Variants in RAB6A observed in about 807,000 individuals in gnomAD.
RAB6A encodes RAB6A, member RAS oncogene family.
In RAB6A, 8 loss-of-function variants were observed where a neutral mutation model predicts 32.3. That is an observed-to-expected ratio of 0.25 (90% CI 0.15 to 0.45). RAB6A has a LOEUF of 0.45. Among genes scored for constraint, RAB6A ranks in the 20% least tolerant of loss-of-function variants. The pLI is 1.00. For synonymous variants in RAB6A, 73 were observed against 82.1 expected, an observed-to-expected ratio of 0.89 and a Z score of 0.60; for missense variants, 104 against 249.4, an observed-to-expected ratio of 0.42 and a Z score of 3.93.
At chr11:73,759,673 C>T (rs1158062704) in intron 1 of RAB6A, among the ~76,000 whole-genome samples, 1 of 152,128 alleles carries the variant, frequency 6.6e-6, no homozygotes, top group Non-Finnish European at 1.5e-5. Flanking sequence ...ATTAACATTT[C>T]CCCAGTAATT....
intron 5 of RAB6A, 85 bp from the exon 6 acceptor site, chr11:73,707,598 C>T: frequency 2.0e-6 from 2 of 1,009,274 alleles, no homozygotes; most frequent in Non-Finnish European, 3.0e-6. Context: ...AAATAACTTT[C>T]CTTGATATAA....
At chr11:73,729,638 T>C (rs562364987) in intron 2 of RAB6A, 1 of 152,378 alleles carries the variant, frequency 6.6e-6, no homozygotes, top group East Asian at 1.9e-4. Context: ...TTCTATAGTT[T>C]TGATGTTTTG....
chr11:73,722,367 T>TTTTTG lies in RAB6A; in HGVS notation c.130-1469_130-1468insCAAAA, dbSNP rs1393411671. 1.5e-3 allele frequency: 120 copies of TTTTTG among 81,756 alleles called. 21 individuals are homozygous for TTTTTG. The highest frequency in any genetic ancestry group is 8.3e-3 in the South Asian group (15 of 1,816). The allele number at this position is 81,756 out of a possible 1,614,324, so 5.1% of individuals were successfully genotyped here. A position where few individuals can be genotyped will look rare whatever the true frequency, so the allele number is the denominator to read the frequency against. On this transcript the variant is annotated intron_variant, in intron 2 of 7. Transcript: ENST00000336083. ...TATTTTTTTTTTTTTTTTTTTTTTT[T>TTTTTG]GAGACAGTCTCACACTCTTGCCCAA...
intron 2 of RAB6A, chr11:73,722,328 TA>T (rs1565364902): frequency 1.6e-3 from 17 of 10,726 alleles, no homozygotes; most frequent in African/African-American, 4.5e-3. Flanking sequence ...TATATATATA[TA>T]TATATATATA....
intron 6 of RAB6A, chr11:73,704,122 C>T (rs902070590): frequency 2.7e-6 from 1 of 370,068 alleles, no homozygotes; most frequent in African/African-American, 2.1e-5. Flanking sequence ...GGGGCTCATA[C>T]CTATAATCTC....
chr11:73,690,986 C>G (rs939160795), intron 6 of RAB6A, among the ~76,000 whole-genome samples: 11 of 137,904 alleles, frequency 8.0e-5, no homozygotes, highest in African/African-American at 2.8e-4. Flanking sequence ...GCACCTCACA[C>G]AGAAAATTAA....
intron 3 of RAB6A, 24 bp from the exon 4 acceptor site, chr11:73,718,742 A>G: frequency 6.2e-7 from 1 of 1,613,976 alleles, no homozygotes; most frequent in Non-Finnish European, 8.5e-7. Context: ...CAGTCAAACA[A>G]GCAAGAAAAA....
chr11:73,676,029 G>A lies in RAB6A; in HGVS notation c.*1869C>T, dbSNP rs1478224552. The stretch of plus-strand genomic sequence containing the variant: ...TCCCATCTTTAAGTATAAGTTACTG[G>A]TATGTGGGCTAATGATTATCTGTAA... On this transcript the variant is annotated 3_prime_UTR_variant, in exon 8 of 8. Coordinates refer to ENST00000336083, the MANE Select transcript of RAB6A (RefSeq NM_198896.2). 1 of 167,010 alleles carries A rather than the reference G, an allele frequency of 6.0e-6. No homozygotes were observed. The highest frequency in any genetic ancestry group is 1.5e-5 in the Non-Finnish European group (1 of 68,108). The allele number at this position is 167,010 out of a possible 1,614,324, so 10.3% of individuals were successfully genotyped here.
At chr11:73,708,179 C>CT (rs528372320) in intron 5 of RAB6A, among the ~76,000 whole-genome samples, 5 of 151,744 alleles carry the variant, frequency 3.3e-5, no homozygotes, top group Admixed American at 2.0e-4. Context: ...TTGTGGTTTT[C>CT]TTTTTTTTGA....
intron 5 of RAB6A, among the ~76,000 whole-genome samples, chr11:73,714,028 T>C (rs753950969): frequency 2.7e-5 from 4 of 150,884 alleles, no homozygotes; most frequent in Non-Finnish European, 5.9e-5. Flanking sequence ...CCGTCACTAC[T>C]AAAAAATACA....
intron 1 of RAB6A, among the ~76,000 whole-genome samples, chr11:73,731,085 A>C (rs986674431): frequency 6.6e-6 from 1 of 152,216 alleles, no homozygotes; most frequent in Admixed American, 6.5e-5. Flanking sequence ...TGACATTCCT[A>C]ATTCACAAAA....
At chr11:73,730,605 A>G in intron 2 of RAB6A, 160 bp downstream of exon 2, 1 of 602,792 alleles carries the variant, frequency 1.7e-6, no homozygotes, top group Non-Finnish European at 2.9e-6. Flanking sequence ...TTATCCTAGG[A>G]CTGGACAAAA....
rs769979508 is a variant in RAB6A, at chr11:73,677,853, C to A, written c.*45G>T. ...TGCAGTCAATGAAAGAGTAAGGGGG[C>A]CAAAGCAGTGAGCTTCTGAAGAAGG... On this transcript the variant is annotated 3_prime_UTR_variant, in exon 8 of 8. Transcript: ENST00000336083. The A allele has an allele frequency of 6.2e-7, 1 of 1,612,558 alleles. No homozygotes were observed. The highest frequency in any genetic ancestry group is 8.5e-7 in the Non-Finnish European group (1 of 1,178,654).
chr11:73,700,206 A>G (rs1014344231), intron 6 of RAB6A, among the ~76,000 whole-genome samples: 3 of 152,228 alleles, frequency 2.0e-5, no homozygotes, highest in African/African-American at 7.2e-5. Context: ...CCAGATGAAA[A>G]GCCAGGTGAA....
At chr11:73,719,894 G>A (rs892965595) in intron 3 of RAB6A, among the ~76,000 whole-genome samples, 5 of 151,962 alleles carry the variant, frequency 3.3e-5, no homozygotes, top group Non-Finnish European at 7.4e-5. Flanking sequence ...GGGATTACAG[G>A]CGTGAGCCAC....
intron 5 of RAB6A, among the ~76,000 whole-genome samples, chr11:73,710,439 A>G (rs1277098937): frequency 5.9e-5 from 9 of 151,882 alleles, no homozygotes; most frequent in Admixed American, 5.9e-4. Context: ...CATGTTTACT[A>G]AAAACAGTTA....
At chr11:73,726,792 AAAAAT>A (rs1946230551) in intron 2 of RAB6A, among the ~76,000 whole-genome samples, 1 of 151,572 alleles carries the variant, frequency 6.6e-6, no homozygotes, top group South Asian at 2.1e-4. Context: ...TAAAAAATGA[AAAAAT>A]AAAATAAAAA....
In RAB6A at chr11:73,760,822, T is replaced by A; in HGVS notation, c.-187A>T. ...CCACAGACTGGCAGCCGCCGCCGCC[T>A]CCCGGCAGAGTAGCCTAGCACCGAG... On this transcript the variant is annotated 5_prime_UTR_variant, in exon 1 of 8. Coordinates refer to ENST00000336083, the MANE Select transcript of RAB6A (RefSeq NM_198896.2). 1 of 804,200 alleles carries A rather than the reference T, an allele frequency of 1.2e-6. No individual in the cohort carries two copies. Among genetic ancestry groups the A allele is most frequent in the Non-Finnish European group, 1.9e-6 (1 of 515,500 alleles). The allele number at this position is 804,200 out of a possible 1,614,324, so 49.8% of individuals were successfully genotyped here. A position where few individuals can be genotyped will look rare whatever the true frequency, so the allele number is the denominator to read the frequency against.
At chr11:73,740,844 C>T (rs113898404) in intron 1 of RAB6A, among the ~76,000 whole-genome samples, 1,640 of 151,358 alleles carry the variant, frequency 0.011, 25 homozygotes, top group African/African-American at 0.036. Flanking sequence ...GCCGAGATCA[C>T]GCCAGTGCAC....
Sources: allele counts gnomAD v4.1 joint callset (sites outside exome capture counted in the v4.1 genomes callset), GRCh38; gene constraint gnomAD v4.1.1; transcripts MANE v1.5; gene names NCBI Gene and HGNC (gene_info 2026-07-23, HGNC 2026-07-21).